MEI4: variants seen among roughly 807,000 people sequenced by gnomAD.
MEI4 encodes the protein meiotic double-stranded break formation protein 4, also known as meiosis-specific protein MEI4.
In MEI4, 27 loss-of-function variants were observed where a neutral mutation model predicts 31.4. The observed-to-expected ratio is 0.86, with a 90% CI of 0.63 to 1.19. The LOEUF (loss-of-function observed/expected upper bound fraction) is 1.19. Among genes scored for constraint, MEI4 ranks in the 50% most tolerant of loss-of-function variants. The pLI is 0.00. For synonymous variants in MEI4, 122 were observed against 145.4 expected (o/e 0.84, Z 1.16); for missense variants, 329 against 398.9 (o/e 0.82, Z 1.49).
chr6:77,684,595 C>T (rs372711973), intron 1 of MEI4, among the ~76,000 whole-genome samples: 5 of 152,032 alleles, frequency 3.3e-5, no homozygotes, highest in Non-Finnish European at 7.4e-5. Flanking sequence ...TAAGTGAGAA[C>T]GTGCAATGTT....
intron 4 of MEI4, among the ~76,000 whole-genome samples, chr6:77,916,343 G>C (rs555277434): frequency 1.3e-5 from 2 of 151,910 alleles, no homozygotes; most frequent in South Asian, 2.1e-4. Flanking sequence ...TGTGTCCTTA[G>C]TTTGATATCT....
In MEI4 at chr6:77,920,368, A is replaced by C. The variant is rs9448255; in HGVS notation, c.901-2721A>C. 7.1e-3 allele frequency among the ~76,000 whole-genome samples: 1,081 copies of C among 151,958 alleles called. 14 individuals carry two copies. The highest frequency in any genetic ancestry group is 0.025 in the African/African-American group (1,018 of 41,506). ...ATATACGCAAATCAATAAATGTAATACAGCATATAAACAGAGCCAAAGACA... is the reference window on the plus strand; with the variant it reads ...ATATACGCAAATCAATAAATGTAATCCAGCATATAAACAGAGCCAAAGACA... On this transcript the variant is annotated intron_variant, in intron 4 of 4. Transcript: ENST00000684080.
intron 4 of MEI4, among the ~76,000 whole-genome samples, chr6:77,909,769 A>T (rs888771961): frequency 6.6e-6 from 1 of 152,212 alleles, no homozygotes; most frequent in Non-Finnish European, 1.5e-5. Flanking sequence ...AGAGAATTTT[A>T]GACCAATATC....
In MEI4 at chr6:77,792,355, G is replaced by A. The variant is rs115187665; in HGVS notation, c.768+30690G>A. On this transcript the variant is annotated intron_variant, in intron 3 of 4. Coordinates refer to ENST00000684080, the MANE Select transcript of MEI4 (RefSeq NM_001322247.2). ...GATCGTATGACAGTTGTAGTTTTTC[G>A]GGGGAACTTTTTTGGGGAATCTTTA... Among the ~76,000 whole-genome samples the A allele has an allele frequency of 9.5e-3, 1,449 of 152,138 alleles. 18 individuals carry two copies. The highest frequency in any genetic ancestry group is 0.032 in the African/African-American group (1,337 of 41,508).
chr6:77,838,292 C>T (rs552537168), intron 4 of MEI4, among the ~76,000 whole-genome samples: 29 of 151,846 alleles, frequency 1.9e-4, no homozygotes, highest in Non-Finnish European at 3.7e-4. Flanking sequence ...TGTTCATCAT[C>T]CTCTCAACAT....
chr6:77,882,717 A>C (rs1031131336), intron 4 of MEI4, among the ~76,000 whole-genome samples: 1 of 152,136 alleles, frequency 6.6e-6, no homozygotes, highest in Non-Finnish European at 1.5e-5. Context: ...TCACTGTCTC[A>C]GGGCCTGCAA....
chr6:77,757,299 T>A (rs1199008635), intron 2 of MEI4, among the ~76,000 whole-genome samples: 1 of 152,212 alleles, frequency 6.6e-6, no homozygotes, highest in Non-Finnish European at 1.5e-5. Flanking sequence ...AATCCCAGCA[T>A]AGTTCTCTGT....
At chr6:77,754,351 A>C (rs912933209) in intron 2 of MEI4, among the ~76,000 whole-genome samples, 1 of 152,212 alleles carries the variant, frequency 6.6e-6, no homozygotes, top group Non-Finnish European at 1.5e-5. Flanking sequence ...TCTTTGCTAA[A>C]GCATAGCAAG....
intron 3 of MEI4, among the ~76,000 whole-genome samples, chr6:77,800,203 T>A (rs1303827978): frequency 1.3e-5 from 2 of 152,120 alleles, no homozygotes; most frequent in African/African-American, 2.4e-5. Flanking sequence ...CTTGAAGAGG[T>A]CTTTCACATA....
chr6:77,694,859 A>G (rs1164451904), intron 2 of MEI4, among the ~76,000 whole-genome samples: 9 of 146,808 alleles, frequency 6.1e-5, no homozygotes, highest in South Asian at 2.2e-4. Flanking sequence ...CAATGGTTGA[A>G]CTAGTTTACA....
chr6:77,909,908 G>T (rs1357271942), intron 4 of MEI4, among the ~76,000 whole-genome samples: 1 of 152,052 alleles, frequency 6.6e-6, no homozygotes, highest in Non-Finnish European at 1.5e-5. Context: ...TTCAACATAT[G>T]CAAATCAATA....
At chr6:77,690,616 G>C in intron 1 of MEI4, 42 bp from the exon 2 acceptor site, 1 of 1,003,490 alleles carries the variant, frequency 1.0e-6, no homozygotes. Context: ...CACTGCACAA[G>C]TTAAAAAGAA....
At chr6:77,816,050 A>G (rs1769681665) in intron 3 of MEI4, among the ~76,000 whole-genome samples, 1 of 152,144 alleles carries the variant, frequency 6.6e-6, no homozygotes, top group Non-Finnish European at 1.5e-5. Flanking sequence ...ATCCATGAAA[A>G]GGTATTACAT....
intron 2 of MEI4, among the ~76,000 whole-genome samples, chr6:77,716,387 T>C (rs764460931): frequency 2.6e-5 from 4 of 152,210 alleles, no homozygotes; most frequent in African/African-American, 7.2e-5. Flanking sequence ...AGAGGAGTTA[T>C]TCTCAAACTT....
chr6:77,708,957 G>A (rs1012094598), intron 2 of MEI4, among the ~76,000 whole-genome samples: 3 of 152,134 alleles, frequency 2.0e-5, no homozygotes, highest in East Asian at 1.9e-4. Flanking sequence ...TTTATTTATA[G>A]CAACGTAAAC....
intron 1 of MEI4, among the ~76,000 whole-genome samples, chr6:77,664,699 G>A (rs527495999): frequency 1.3e-5 from 2 of 152,138 alleles, no homozygotes; most frequent in Non-Finnish European, 2.9e-5. Flanking sequence ...AGGGAAAGAA[G>A]GAAGATTTGG....
intron 4 of MEI4, among the ~76,000 whole-genome samples, chr6:77,889,707 C>T (rs982125164): frequency 5.3e-5 from 8 of 152,318 alleles, no homozygotes; most frequent in African/African-American, 1.9e-4. Flanking sequence ...ATCATGGCAG[C>T]CACTCCCATC....
chr6:77,794,248 A>G (rs1236482241), intron 3 of MEI4, among the ~76,000 whole-genome samples: 1 of 152,168 alleles, frequency 6.6e-6, no homozygotes, highest in Non-Finnish European at 1.5e-5. Flanking sequence ...TCAAGAGGAA[A>G]TGACAGTTGT....
intron 3 of MEI4, among the ~76,000 whole-genome samples, chr6:77,819,332 G>T (rs1769761611): frequency 6.6e-6 from 1 of 151,752 alleles, no homozygotes; most frequent in Non-Finnish European, 1.5e-5. Flanking sequence ...TTTTCTGAAT[G>T]ATTTTTTTCA....
Sources: allele counts gnomAD v4.1 joint callset (sites outside exome capture counted in the v4.1 genomes callset), GRCh38; gene constraint gnomAD v4.1.1; transcripts MANE v1.5; gene names NCBI Gene and HGNC (gene_info 2026-07-23, HGNC 2026-07-21).